The following TRAPPC9 variants were observed in gnomAD, a reference collection of about 807,000 sequenced individuals.
TRAPPC9 encodes the protein IKK2 binding protein.
TRAPPC9 carries 83 observed loss-of-function variants against 124.0 expected under a neutral mutation model. The ratio of observed to expected loss-of-function variants is 0.67; its 90% CI spans 0.56 to 0.80. TRAPPC9 has a LOEUF of 0.80. Ranked by LOEUF, TRAPPC9 falls within the 30% of genes least tolerant of loss-of-function variation. The pLI is 0.00. For missense variants in TRAPPC9, 1,302 were observed against 1,508.3 expected (o/e 0.86, Z 2.27); for synonymous variants, 638 against 617.5 (o/e 1.03, Z -0.49).
chr8:140,431,401 G>A (rs2070640786), intron 4 of TRAPPC9, among the ~76,000 whole-genome samples: 1 of 151,650 alleles, frequency 6.6e-6, no homozygotes, highest in Admixed American at 6.6e-5. Flanking sequence ...AGGTTGCAGT[G>A]AGCTACTGCA....
At chr8:139,737,913 G>A (rs1407959743) in intron 21 of TRAPPC9, among the ~76,000 whole-genome samples, 1 of 152,216 alleles carries the variant, frequency 6.6e-6, no homozygotes, top group East Asian at 1.9e-4. Context: ...GGACGGGGAT[G>A]CTTTGCATTT....
At chr8:140,338,046 C>T (rs1006396757) in intron 9 of TRAPPC9, among the ~76,000 whole-genome samples, 2 of 152,138 alleles carry the variant, frequency 1.3e-5, no homozygotes, top group African/African-American at 4.8e-5. Flanking sequence ...AGGAATATGC[C>T]ATTTCTTCCC....
chr8:140,326,158 G>A (rs559805885), intron 9 of TRAPPC9, among the ~76,000 whole-genome samples: 5 of 150,070 alleles, frequency 3.3e-5, no homozygotes, highest in South Asian at 2.1e-4. Context: ...AGGCCGAGGC[G>A]GGCGGATCAT....
chr8:140,170,652 A>G (rs1271907035), intron 17 of TRAPPC9, among the ~76,000 whole-genome samples: 1 of 152,228 alleles, frequency 6.6e-6, no homozygotes, highest in African/African-American at 2.4e-5. Flanking sequence ...ACTGATGAGG[A>G]TCAGAAAGAG....
At chr8:140,287,472 C>T in intron 13 of TRAPPC9, 136 bp downstream of exon 13, 1 of 1,258,482 alleles carries the variant, frequency 7.9e-7, no homozygotes, top group South Asian at 1.2e-5. Context: ...TTCATGCTTC[C>T]CAAAGAGACA....
chr8:140,102,025 A>G (rs1335446008), intron 17 of TRAPPC9, among the ~76,000 whole-genome samples: 1 of 152,186 alleles, frequency 6.6e-6, no homozygotes. Flanking sequence ...CAGAAAATGC[A>G]TATTGGAGAG....
chr8:139,844,854 C>G (rs1053725784), intron 21 of TRAPPC9, among the ~76,000 whole-genome samples: 5 of 152,242 alleles, frequency 3.3e-5, no homozygotes, highest in Admixed American at 6.5e-5. Flanking sequence ...CCCGGGGCCC[C>G]CAGCTGGCTG....
chr8:140,122,507 A>G (rs1419548210), intron 17 of TRAPPC9, among the ~76,000 whole-genome samples: 2 of 152,246 alleles, frequency 1.3e-5, no homozygotes, highest in Non-Finnish European at 1.5e-5. Context: ...TTCAGTGCCT[A>G]TATCTGCTAT....
At chr8:140,381,725 T>A (rs56017377) in intron 7 of TRAPPC9, among the ~76,000 whole-genome samples, 3,013 of 125,518 alleles carry the variant, frequency 0.024, 119 homozygotes, top group African/African-American at 0.084. Flanking sequence ...GCATCAGCCA[T>A]GAGGGAAATG....
Position 140,156,961 on chromosome 8 carries a change from T to TTTCCATTCAGAAGCCTCCC in TRAPPC9, c.2556+64497_2556+64498insGGGAGGCTTCTGAATGGAA, listed in dbSNP as rs1563803931. ...CTCCCTTTCCATTCAAAAGCCTCCCTTTTCCATTCAAAAGCCTCCCTTTCC... is the reference window on the plus strand; with the variant it reads ...CTCCCTTTCCATTCAAAAGCCTCCCTTTCCATTCAGAAGCCTCCCTTTCCATTCAAAAGCCTCCCTTTCC... On this transcript the variant is annotated intron_variant, in intron 17 of 22. Transcript: ENST00000438773. Among the ~76,000 whole-genome samples, 3 of 99,606 alleles carry TTTCCATTCAGAAGCCTCCC rather than the reference T, an allele frequency of 3.0e-5. 1 individual carries two copies. The highest frequency in any genetic ancestry group is 1.3e-4 in the African/African-American group (3 of 22,632). The allele number at this position is 99,606 out of a possible 152,430, so 65.3% of individuals were successfully genotyped here.
At chr8:139,995,618 A>G (rs975413815) in intron 18 of TRAPPC9, among the ~76,000 whole-genome samples, 2 of 152,176 alleles carry the variant, frequency 1.3e-5, no homozygotes, top group African/African-American at 4.8e-5. Flanking sequence ...AAGAGCCCCC[A>G]GTAATTTGGG....
At chr8:139,733,106 A>G (rs945451525) in intron 21 of TRAPPC9, among the ~76,000 whole-genome samples, 3 of 152,028 alleles carry the variant, frequency 2.0e-5, no homozygotes, top group Admixed American at 6.5e-5. Context: ...GGGGAAGGGG[A>G]GTCTTTGAAG....
chr8:140,031,089 T>C (rs563656642), intron 17 of TRAPPC9, among the ~76,000 whole-genome samples: 1 of 152,326 alleles, frequency 6.6e-6, no homozygotes, highest in South Asian at 2.1e-4. Flanking sequence ...TTAAAGAATC[T>C]AAGTCACAAT....
intron 21 of TRAPPC9, among the ~76,000 whole-genome samples, chr8:139,754,224 C>G (rs149360300): frequency 6.5e-4 from 99 of 152,356 alleles, no homozygotes; most frequent in African/African-American, 2.3e-3. Flanking sequence ...CTTTCCTTCC[C>G]TGGGAAATAA....
At chr8:140,036,818 A>T (rs1227621221) in intron 17 of TRAPPC9, among the ~76,000 whole-genome samples, 1 of 152,146 alleles carries the variant, frequency 6.6e-6, no homozygotes, top group African/African-American at 2.4e-5. Context: ...TTTACGGAAA[A>T]TCATCACGAT....
chr8:140,273,914 T>TA (rs1378980161), intron 15 of TRAPPC9, among the ~76,000 whole-genome samples: 1 of 152,166 alleles, frequency 6.6e-6, no homozygotes, highest in East Asian at 1.9e-4. Flanking sequence ...AAGAGTAGAA[T>TA]AAAAATGCTA....
At chr8:140,434,006 G>C (rs1248679645) in intron 4 of TRAPPC9, among the ~76,000 whole-genome samples, 1 of 152,194 alleles carries the variant, frequency 6.6e-6, no homozygotes, top group Non-Finnish European at 1.5e-5. Flanking sequence ...CATTTGCATA[G>C]AAGCATAACT....
At chr8:139,874,150 G>A (rs935363340) in intron 21 of TRAPPC9, among the ~76,000 whole-genome samples, 4 of 152,246 alleles carry the variant, frequency 2.6e-5, no homozygotes, top group Non-Finnish European at 5.9e-5. Flanking sequence ...CCAGGAATAC[G>A]TGCCTTAGAG....
In TRAPPC9 at chr8:139,895,548, C is replaced by T. The variant is rs1033601315; in HGVS notation, c.2965-9579G>A. The stretch of plus-strand genomic sequence containing the variant: ...TAAAACGATTTTGAACCATGTGCAC[C>T]TACTTAAAGTAATACAAAAATTAGC... On this transcript the variant is annotated intron_variant, in intron 20 of 22. Coordinates refer to ENST00000438773, the MANE Select transcript of TRAPPC9 (RefSeq NM_001160372.4). Among the ~76,000 whole-genome samples, 4 of 152,114 alleles carry T rather than the reference C, an allele frequency of 2.6e-5. 1 individual carries two copies. Among genetic ancestry groups the T allele is most frequent in the African/African-American group, 4.8e-5 (2 of 41,426 alleles).
Sources: gnomAD v4.1 joint callset for allele counts (sites outside exome capture counted in the v4.1 genomes callset) on GRCh38, gnomAD v4.1.1 for gene constraint, MANE v1.5 for transcripts, NCBI Gene and HGNC (gene_info 2026-07-23, HGNC 2026-07-21) for gene names.